The following PRKCB variants were observed in gnomAD, a reference collection of about 807,000 sequenced individuals.
PRKCB encodes the protein protein kinase C beta type.
In PRKCB, 13 loss-of-function variants were observed where a neutral mutation model predicts 81.5. The ratio of observed to expected loss-of-function variants is 0.16; its 90% CI spans 0.10 to 0.25. The LOEUF is 0.25. Among genes scored for constraint, PRKCB ranks in the 10% least tolerant of loss-of-function variants. The pLI is 1.00. For synonymous variants in PRKCB, 335 were observed against 321.4 expected (o/e 1.04, Z -0.45); for missense variants, 509 against 875.7 (o/e 0.58, Z 5.29).
rs572743982 is a variant in PRKCB, at chr16:23,860,764, G to A, written c.205+23358G>A. ...CAAAACAAATCAAAACAAAAAAACCGGGCATGGTGGTGTGTGCCTGTACTC... is the reference window on the plus strand; with the variant it reads ...CAAAACAAATCAAAACAAAAAAACCAGGCATGGTGGTGTGTGCCTGTACTC... On this transcript the variant is annotated intron_variant, in intron 2 of 16. Transcript: ENST00000643927. Among the ~76,000 whole-genome samples the A allele has an allele frequency of 4.0e-5, 6 of 151,778 alleles. No homozygotes were observed. In the South Asian group the frequency reaches 1.0e-3, roughly 26 times the overall value.
intron 16 of PRKCB, among the ~76,000 whole-genome samples, chr16:24,206,893 A>G (rs1447246039): frequency 1.3e-5 from 2 of 152,232 alleles, no homozygotes; most frequent in African/African-American, 4.8e-5. Context: ...CCTTAGCACC[A>G]AAATACACGT....
At chr16:23,992,201 T>C (rs1964895040) in intron 3 of PRKCB, among the ~76,000 whole-genome samples, 2 of 152,214 alleles carry the variant, frequency 1.3e-5, no homozygotes, top group Admixed American at 1.3e-4. Flanking sequence ...AGTTTATCAT[T>C]TAAAAATCAC....
chr16:23,978,843 C>T (rs1440033103), intron 2 of PRKCB, among the ~76,000 whole-genome samples: 2 of 152,198 alleles, frequency 1.3e-5, no homozygotes, highest in Non-Finnish European at 2.9e-5. Context: ...AAGTAGCTGG[C>T]ATGAATGAAG....
At chr16:23,864,617 T>A (rs1366875742) in intron 2 of PRKCB, among the ~76,000 whole-genome samples, 1 of 152,186 alleles carries the variant, frequency 6.6e-6, no homozygotes, top group Non-Finnish European at 1.5e-5. Context: ...AGACCTGCAT[T>A]GGGAGTTGCT....
intron 5 of PRKCB, among the ~76,000 whole-genome samples, chr16:24,058,156 T>C (rs573330440): frequency 6.6e-6 from 1 of 152,294 alleles, no homozygotes; most frequent in East Asian, 1.9e-4. Flanking sequence ...TGTTGCCAAC[T>C]TTCCAGTAGC....
Position 24,166,126 on chromosome 16 carries a change from A to G in PRKCB, c.1240-6144A>G, listed in dbSNP as rs113289396. ...GGTCTCAAGCTCTTGGCCTTAAGTGATCTGTCCACCTTAACCTCCCAAAGG... is the reference window on the plus strand; with the variant it reads ...GGTCTCAAGCTCTTGGCCTTAAGTGGTCTGTCCACCTTAACCTCCCAAAGG... On this transcript the variant is annotated intron_variant, in intron 10 of 16. Transcript: ENST00000643927. 3.9e-5 allele frequency among the ~76,000 whole-genome samples: 6 copies of G among 152,096 alleles called. 1 individual carries two copies. The highest frequency in any genetic ancestry group is 1.2e-4 in the African/African-American group (5 of 41,510).
rs749492439 is a variant in PRKCB, at chr16:23,872,932, C to G, written c.205+35526C>G. On this transcript the variant is annotated intron_variant, in intron 2 of 16. Coordinates refer to ENST00000643927, the MANE Select transcript of PRKCB (RefSeq NM_002738.7). ...GTGTCTCATGCCTGTAATCCCAGCA[C>G]TTTGGGAGGTCGAGGCGGGCAGATC... 8.6e-5 allele frequency among the ~76,000 whole-genome samples: 13 copies of G among 151,694 alleles called. No homozygotes were observed. In the South Asian group the frequency reaches 1.5e-3, roughly 17 times the overall value.
intron 5 of PRKCB, among the ~76,000 whole-genome samples, chr16:24,062,850 C>T (rs1208777572): frequency 1.3e-5 from 2 of 151,976 alleles, no homozygotes; most frequent in African/African-American, 4.8e-5. Flanking sequence ...CATCCCTCAC[C>T]TCCCCCATCC....
intron 3 of PRKCB, among the ~76,000 whole-genome samples, chr16:24,026,727 T>C (rs1965484523): frequency 6.6e-6 from 1 of 152,198 alleles, no homozygotes. Flanking sequence ...AGGAGCTGGC[T>C]CAGGCCACTT....
chr16:23,970,720 G>C (rs1362372587), intron 2 of PRKCB, among the ~76,000 whole-genome samples: 1 of 152,214 alleles, frequency 6.6e-6, no homozygotes, highest in Non-Finnish European at 1.5e-5. Flanking sequence ...TGGTGTTACA[G>C]GGCCCCTGGG....
intron 2 of PRKCB, among the ~76,000 whole-genome samples, chr16:23,845,483 A>G (rs11860759): frequency 0.57 from 86,657 of 151,916 alleles, 24,799 homozygotes; most frequent in East Asian, 0.61. Flanking sequence ...CATATCCTGG[A>G]TAATATATGC....
chr16:24,092,224 G>T (rs1424064381), intron 5 of PRKCB, among the ~76,000 whole-genome samples: 1 of 152,068 alleles, frequency 6.6e-6, no homozygotes, highest in Admixed American at 6.5e-5. Flanking sequence ...TCTACTTTCT[G>T]TCTCTATGGA....
At chr16:24,037,583 G>GTTTCT (rs1486641085) in intron 5 of PRKCB, among the ~76,000 whole-genome samples, 2 of 151,982 alleles carry the variant, frequency 1.3e-5, no homozygotes, top group Non-Finnish European at 2.9e-5. Context: ...GTTTCGTTTC[G>GTTTCT]TTTCTCTATG....
At chr16:23,882,955 C>T (rs1007832185) in intron 2 of PRKCB, among the ~76,000 whole-genome samples, 8 of 151,932 alleles carry the variant, frequency 5.3e-5, no homozygotes, top group Admixed American at 1.3e-4. Context: ...GAAACTGTCT[C>T]GGGAAGATTT....
chr16:24,169,784 ATTTATTTT>A (rs998219233), intron 10 of PRKCB, among the ~76,000 whole-genome samples: 1 of 150,984 alleles, frequency 6.6e-6, no homozygotes, highest in African/African-American at 2.4e-5. Flanking sequence ...TTATTTATTT[ATTTATTTT>A]TTGAGACAGA....
At chr16:24,095,104 G>T (rs1039417197) in intron 7 of PRKCB, among the ~76,000 whole-genome samples, 2 of 152,080 alleles carry the variant, frequency 1.3e-5, no homozygotes, top group Non-Finnish European at 2.9e-5. Flanking sequence ...TTACATCTGG[G>T]CCAATTTACT....
At chr16:24,065,648 TTTTC>T (rs1966024014) in intron 5 of PRKCB, among the ~76,000 whole-genome samples, 1 of 152,208 alleles carries the variant, frequency 6.6e-6, no homozygotes, top group African/African-American at 2.4e-5. Context: ...TCTGGGATCA[TTTTC>T]TTTCTCTCTA....
chr16:24,191,683 T>C (rs1967796277), intron 16 of PRKCB: 1 of 153,300 alleles, frequency 6.5e-6, no homozygotes, highest in South Asian at 2.0e-4. Flanking sequence ...ACATACACTA[T>C]GTCTGAGTCA....
intron 2 of PRKCB, among the ~76,000 whole-genome samples, chr16:23,937,061 T>G (rs1293552582): frequency 6.6e-6 from 1 of 152,186 alleles, no homozygotes; most frequent in Non-Finnish European, 1.5e-5. Context: ...TTTGAGGAAC[T>G]TTCAGATGGG....
Sources: allele counts gnomAD v4.1 joint callset (sites outside exome capture counted in the v4.1 genomes callset), GRCh38; gene constraint gnomAD v4.1.1; transcripts MANE v1.5; gene names NCBI Gene and HGNC (gene_info 2026-07-23, HGNC 2026-07-21).